The following CCSER1 variants were observed in gnomAD, a reference collection of about 807,000 sequenced individuals.
CCSER1 encodes the protein serine-rich coiled-coil domain-containing protein 1.
A neutral mutation model predicts 82.0 loss-of-function variants in CCSER1; 41 were observed. The ratio of observed to expected loss-of-function variants is 0.50; its 90% confidence interval spans 0.39 to 0.65. CCSER1 has a LOEUF of 0.65. CCSER1 is among the 30% of genes least tolerant of loss of function. The pLI, the probability that CCSER1 is intolerant of heterozygous loss-of-function variation, is 0.00. For missense variants in CCSER1, 1,119 were observed against 1,064.2 expected (o/e 1.05, Z -0.72); for synonymous variants, 414 against 383.9 (o/e 1.08, Z -0.92).
At chr4:91,520,714 C>G (rs1760412416) in intron 10 of CCSER1, among the ~76,000 whole-genome samples, 1 of 152,050 alleles carries the variant, frequency 6.6e-6, no homozygotes, top group Non-Finnish European at 1.5e-5. Context: ...GGTCTGCTGG[C>G]AACAAATTCC....
intron 10 of CCSER1, among the ~76,000 whole-genome samples, chr4:91,145,396 G>T (rs552358360): frequency 6.6e-6 from 1 of 152,170 alleles, no homozygotes; most frequent in Admixed American, 6.5e-5. Context: ...GTTAGGTCTT[G>T]TTTTCTTTCC....
At chr4:91,203,817 T>A (rs1199513871) in intron 10 of CCSER1, among the ~76,000 whole-genome samples, 1 of 151,794 alleles carries the variant, frequency 6.6e-6, no homozygotes, top group Non-Finnish European at 1.5e-5. Context: ...TAGTCTACAG[T>A]GTTTTGACCA....
At position 90,217,687 on chromosome 4, in the gene CCSER1, A is replaced by T. The variant is rs548854289; in HGVS notation, c.-42+89856A>T. ...TGTCTTGTTCTGGTTCTCAAGGGGAATGTGTCCAGTTTTTGCCTGTTCACT... is the reference window on the plus strand; with the variant it reads ...TGTCTTGTTCTGGTTCTCAAGGGGATTGTGTCCAGTTTTTGCCTGTTCACT... On this transcript the variant is annotated intron_variant, in intron 1 of 10. Transcript: ENST00000509176. 6.6e-4 allele frequency among the ~76,000 whole-genome samples: 100 copies of T among 152,274 alleles called. 1 individual carries two copies. Among genetic ancestry groups the T allele is most frequent in the African/African-American group, 2.2e-3 (92 of 41,566 alleles).
At chr4:91,166,718 AGTT>A (rs67606288) in intron 10 of CCSER1, among the ~76,000 whole-genome samples, 29,463 of 152,082 alleles carry the variant, frequency 0.19, 3,120 homozygotes, top group Non-Finnish European at 0.23. Flanking sequence ...GTGAAAATGT[AGTT>A]GTTGTTGTTT....
rs60901745 is a variant in CCSER1, at chr4:91,236,191, TA to T, written c.2217+150204del. Among the ~76,000 whole-genome samples, 1,423 of 152,098 alleles carry T rather than the reference TA, an allele frequency of 9.4e-3. 21 individuals carry two copies. Among genetic ancestry groups the T allele is most frequent in the African/African-American group, 0.032 (1,344 of 41,490 alleles). ...ATCTATCCCAGCCTCATTGTACATA[TA>T]AAAAAATACTTTCAGCCGGGCGCAG... On this transcript the variant is annotated intron_variant, in intron 10 of 10. Coordinates refer to ENST00000509176, the MANE Select transcript of CCSER1 (RefSeq NM_001145065.2).
At chr4:90,305,382 T>A (rs957465304) in intron 1 of CCSER1, among the ~76,000 whole-genome samples, 1 of 152,234 alleles carries the variant, frequency 6.6e-6, no homozygotes, top group Non-Finnish European at 1.5e-5. Flanking sequence ...TATGGTTGAT[T>A]ATATTCTAAT....
chr4:91,489,306 C>G (rs1169186128), intron 10 of CCSER1, among the ~76,000 whole-genome samples: 3 of 152,170 alleles, frequency 2.0e-5, no homozygotes, highest in African/African-American at 7.2e-5. Context: ...GGCCCCCACA[C>G]AGATTTTCCA....
chr4:90,725,309 TA>T (rs972264394), intron 7 of CCSER1, among the ~76,000 whole-genome samples: 6 of 151,550 alleles, frequency 4.0e-5, no homozygotes, highest in African/African-American at 1.4e-4. Context: ...TAACAGAGGT[TA>T]AAAAAGGTTA....
chr4:90,883,730 T>C (rs1721688133), intron 8 of CCSER1, among the ~76,000 whole-genome samples: 1 of 152,196 alleles, frequency 6.6e-6, no homozygotes, highest in Non-Finnish European at 1.5e-5. Flanking sequence ...TGAGGTGCTT[T>C]GGCTTCATGC....
At chr4:90,672,812 TTG>T (rs1474083046) in intron 6 of CCSER1, among the ~76,000 whole-genome samples, 1 of 151,930 alleles carries the variant, frequency 6.6e-6, no homozygotes, top group Non-Finnish European at 1.5e-5. Context: ...TTAAATATTG[TTG>T]TGTTTCAGGA....
intron 4 of CCSER1, among the ~76,000 whole-genome samples, chr4:90,466,299 T>C (rs1043531066): frequency 1.3e-5 from 2 of 152,250 alleles, no homozygotes; most frequent in African/African-American, 4.8e-5. Context: ...ATGAGAGGGC[T>C]TCAATGTGAA....
chr4:91,307,882 A>G (rs780501260), intron 10 of CCSER1, among the ~76,000 whole-genome samples: 2 of 151,950 alleles, frequency 1.3e-5, no homozygotes, highest in Non-Finnish European at 2.9e-5. Context: ...CCATGAAGCA[A>G]TGATATGCTA....
chr4:90,793,623 G>T (rs11941879), intron 7 of CCSER1, among the ~76,000 whole-genome samples: 22,329 of 152,112 alleles, frequency 0.15, 3,114 homozygotes, highest in African/African-American at 0.37. Flanking sequence ...GAATAGTGCT[G>T]CAATGAACAT....
chr4:90,200,318 T>A (rs536272098), intron 1 of CCSER1, among the ~76,000 whole-genome samples: 7 of 152,304 alleles, frequency 4.6e-5, no homozygotes, highest in African/African-American at 1.4e-4. Flanking sequence ...GAGGATTATG[T>A]AATTAATAAT....
At chr4:90,314,748 C>T (rs920705142) in intron 3 of CCSER1, among the ~76,000 whole-genome samples, 29 of 144,904 alleles carry the variant, frequency 2.0e-4, no homozygotes, top group Admixed American at 1.3e-3. Flanking sequence ...GACCTGGTCT[C>T]GATAAGATAA....
intron 1 of CCSER1, among the ~76,000 whole-genome samples, chr4:90,233,512 T>C (rs905793791): frequency 5.9e-5 from 9 of 152,036 alleles, no homozygotes; most frequent in African/African-American, 1.4e-4. Flanking sequence ...TGGGGAGATA[T>C]ACCTAACGCT....
At position 91,358,995 on chromosome 4, in the gene CCSER1, G is replaced by A. The variant is rs575177262; in HGVS notation, c.2218-239577G>A. On this transcript the variant is annotated intron_variant, in intron 10 of 10. Coordinates refer to ENST00000509176, the MANE Select transcript of CCSER1 (RefSeq NM_001145065.2). ...CCGCAGACAAAACCTCTCAGACACC[G>A]AGTTGTAGAAGGAAGGGCTTTATTC... Among the ~76,000 whole-genome samples the A allele has an allele frequency of 4.6e-4, 70 of 152,252 alleles. No homozygotes were observed. The South Asian group carries it at 0.013, about 29-fold the overall frequency.
intron 9 of CCSER1, among the ~76,000 whole-genome samples, chr4:91,047,085 A>T (rs1404229060): frequency 6.6e-6 from 1 of 151,906 alleles, no homozygotes. Flanking sequence ...ATTCCCCCCA[A>T]CCCCCTCGCA....
chr4:90,394,480 G>A (rs963442341), intron 3 of CCSER1, among the ~76,000 whole-genome samples: 1 of 152,068 alleles, frequency 6.6e-6, no homozygotes, highest in Non-Finnish European at 1.5e-5. Flanking sequence ...TCATAACATT[G>A]TGTTTGGTTT....
Sources: gnomAD v4.1 joint callset for allele counts (sites outside exome capture counted in the v4.1 genomes callset) on GRCh38, gnomAD v4.1.1 for gene constraint, MANE v1.5 for transcripts, NCBI Gene and HGNC (gene_info 2026-07-23, HGNC 2026-07-21) for gene names.